The following NAALADL2 variants were observed in gnomAD, a reference collection of about 807,000 sequenced individuals.
NAALADL2 encodes inactive N-acetylated-alpha-linked acidic dipeptidase-like protein 2.
A neutral mutation model predicts 87.2 loss-of-function variants in NAALADL2; 76 were observed. The ratio of observed to expected loss-of-function variants is 0.87; its 90% CI spans 0.72 to 1.05. The LOEUF (loss-of-function observed/expected upper bound fraction) is 1.05, where lower values mean the gene tolerates loss of function less well. Among genes scored for constraint, NAALADL2 ranks in the 50% least tolerant of loss-of-function variants. The pLI is 0.00. For missense variants in NAALADL2, 1,089 were observed against 945.8 expected, an observed-to-expected ratio of 1.15 and a Z score of -1.99; for synonymous variants, 354 against 331.0, an observed-to-expected ratio of 1.07 and a Z score of -0.75.
At chr3:174,456,411 C>CAAAAAAAAAAAAAAA (rs59833697) in intron 1 of NAALADL2, among the ~76,000 whole-genome samples, 1 of 56,394 alleles carries the variant, frequency 1.8e-5, no homozygotes, top group African/African-American at 7.1e-5. Context: ...CAATCCTAAG[C>CAAAAAAAAAAAAAAA]AAAAAAAAAA....
chr3:175,287,715 T>G (rs1755156811), intron 4 of NAALADL2, among the ~76,000 whole-genome samples: 1 of 152,176 alleles, frequency 6.6e-6, no homozygotes, highest in Non-Finnish European at 1.5e-5. Context: ...CTCCGTCTTG[T>G]GAGTTGGAGA....
chr3:175,544,672 G>A (rs1432099067), intron 9 of NAALADL2, among the ~76,000 whole-genome samples: 2 of 152,068 alleles, frequency 1.3e-5, no homozygotes, highest in African/African-American at 4.8e-5. Flanking sequence ...ATTTTATAAT[G>A]TTTTTTCAAT....
chr3:175,333,779 T>C (rs572604612), intron 5 of NAALADL2, among the ~76,000 whole-genome samples: 41 of 152,082 alleles, frequency 2.7e-4, no homozygotes, highest in Non-Finnish European at 8.8e-5. Flanking sequence ...GTTGGGTGAT[T>C]ATAGTTAACA....
At chr3:174,629,226 T>C (rs1721880500) in intron 2 of NAALADL2, among the ~76,000 whole-genome samples, 1 of 152,150 alleles carries the variant, frequency 6.6e-6, no homozygotes, top group Non-Finnish European at 1.5e-5. Flanking sequence ...ACTAGAAACA[T>C]AGAAGAGTTG....
Position 175,803,771 on chromosome 3 carries a change from G to C in NAALADL2, c.*568G>C, listed in dbSNP as rs1754461781. 6.6e-6 allele frequency: 1 copy of C among 152,380 alleles called. No individual in the cohort carries two copies. Among genetic ancestry groups the C allele is most frequent in the South Asian group, 2.1e-4 (1 of 4,832 alleles). The allele number at this position is 152,380 out of a possible 1,614,324, so 9.4% of individuals were successfully genotyped here. A position where few individuals can be genotyped will look rare whatever the true frequency, so the allele number is the denominator to read the frequency against. Reference sequence around the variant, plus strand: ...CTAGATGTAGTAATACACTGGTTATGAAATTGTATTTTTTTAAGTATTAAT... The same window carrying C: ...CTAGATGTAGTAATACACTGGTTATCAAATTGTATTTTTTTAAGTATTAAT... On this transcript the variant is annotated 3_prime_UTR_variant, in exon 14 of 14. Transcript: ENST00000454872.
chr3:175,501,002 C>T (rs80129463), intron 9 of NAALADL2, among the ~76,000 whole-genome samples: 1 of 151,992 alleles, frequency 6.6e-6, no homozygotes, highest in African/African-American at 2.4e-5. Context: ...TCAGAACAGG[C>T]AAGTTTTACA....
chr3:174,958,197 C>T (rs188638399), intron 1 of NAALADL2, among the ~76,000 whole-genome samples: 1 of 150,288 alleles, frequency 6.7e-6, no homozygotes, highest in East Asian at 1.9e-4. Context: ...CTATCTTTGC[C>T]TAATCAATTT....
At chr3:175,008,273 A>T (rs886634810) in intron 1 of NAALADL2, among the ~76,000 whole-genome samples, 5 of 152,140 alleles carry the variant, frequency 3.3e-5, no homozygotes, top group East Asian at 1.9e-4. Flanking sequence ...CCTCCTGGCT[A>T]CTCGGGAGGC....
intron 2 of NAALADL2, among the ~76,000 whole-genome samples, chr3:174,704,937 A>G (rs977224864): frequency 5.3e-5 from 8 of 152,224 alleles, no homozygotes; most frequent in Admixed American, 3.3e-4. Flanking sequence ...AACATCACCA[A>G]ACTTCTAAAT....
At chr3:175,187,944 C>G (rs944135745) in intron 2 of NAALADL2, among the ~76,000 whole-genome samples, 1 of 152,132 alleles carries the variant, frequency 6.6e-6, no homozygotes, top group Admixed American at 6.5e-5. Flanking sequence ...CGTTTCTTCT[C>G]CATTTTTCCT....
At chr3:175,091,801 T>G (rs1472594416) in intron 1 of NAALADL2, among the ~76,000 whole-genome samples, 6 of 152,036 alleles carry the variant, frequency 3.9e-5, no homozygotes, top group Non-Finnish European at 8.8e-5. Flanking sequence ...AATAATGAAT[T>G]TTATATAAAT....
At chr3:174,642,985 T>A (rs1405280337) in intron 2 of NAALADL2, among the ~76,000 whole-genome samples, 2 of 152,016 alleles carry the variant, frequency 1.3e-5, no homozygotes, top group Admixed American at 6.5e-5. Context: ...TCTCACTATG[T>A]TACCCAGCCT....
At chr3:175,362,463 G>A (rs1174151135) in intron 5 of NAALADL2, among the ~76,000 whole-genome samples, 1 of 147,868 alleles carries the variant, frequency 6.8e-6, no homozygotes, top group Non-Finnish European at 1.5e-5. Context: ...GGGCAGTTAT[G>A]GCCATTTTCA....
At chr3:175,466,699 T>C (rs746895693) in intron 7 of NAALADL2, among the ~76,000 whole-genome samples, 3 of 152,166 alleles carry the variant, frequency 2.0e-5, no homozygotes, top group Non-Finnish European at 4.4e-5. Context: ...GGTTTCACTG[T>C]GGCATATTTA....
chr3:175,475,120 G>T (rs2193842), intron 9 of NAALADL2, among the ~76,000 whole-genome samples: 4,831 of 151,414 alleles, frequency 0.032, 280 homozygotes, highest in African/African-American at 0.11. Flanking sequence ...GAGACCTTAG[G>T]ATGTTCTATA....
At chr3:175,368,406 G>T (rs182161897) in intron 5 of NAALADL2, among the ~76,000 whole-genome samples, 2,452 of 152,210 alleles carry the variant, frequency 0.016, 71 homozygotes, top group African/African-American at 0.055. Context: ...TTTTTCTATT[G>T]ATTGGAATAG....
At chr3:175,108,022 A>G (rs1168163294) in intron 2 of NAALADL2, among the ~76,000 whole-genome samples, 1 of 151,920 alleles carries the variant, frequency 6.6e-6, no homozygotes, top group African/African-American at 2.4e-5. Context: ...ATTAAATTTT[A>G]TATGCCTGAT....
intron 1 of NAALADL2, among the ~76,000 whole-genome samples, chr3:175,045,505 G>T (rs1754560711): frequency 6.6e-6 from 1 of 152,144 alleles, no homozygotes; most frequent in African/African-American, 2.4e-5. Context: ...TTCAAAATCT[G>T]TGAAGGGTTT....
chr3:174,935,027 G>C (rs1419765380), intron 1 of NAALADL2, among the ~76,000 whole-genome samples: 1 of 151,938 alleles, frequency 6.6e-6, no homozygotes, highest in Non-Finnish European at 1.5e-5. Flanking sequence ...ATAAGATTAA[G>C]GTCTCACTTT....
Sources: allele counts gnomAD v4.1 joint callset (sites outside exome capture counted in the v4.1 genomes callset), GRCh38; gene constraint gnomAD v4.1.1; transcripts MANE v1.5; gene names NCBI Gene and HGNC (gene_info 2026-07-23, HGNC 2026-07-21).